PPP1R10: variants seen among roughly 807,000 people sequenced by gnomAD.
PPP1R10 encodes the protein protein phosphatase 1 regulatory subunit 10, also known as serine/threonine-protein phosphatase 1 regulatory subunit 10.
Under a neutral mutation model 99.0 loss-of-function variants are expected in PPP1R10, and 15 were observed. That is an observed-to-expected ratio of 0.15 (90% CI 0.10 to 0.23). The LOEUF (loss-of-function observed/expected upper bound fraction) is 0.23, where lower values mean the gene tolerates loss of function less well. PPP1R10 is among the 10% of genes least tolerant of loss of function. PPP1R10 has a pLI of 1.00. For synonymous variants in PPP1R10, 430 were observed against 449.5 expected (o/e 0.96, Z 0.55); for missense variants, 947 against 1,259.4 (o/e 0.75, Z 3.75).
intron 5 of PPP1R10, among the ~76,000 whole-genome samples, chr6:30,608,301 C>CTTT (rs1190279084): frequency 3.6e-5 from 4 of 111,740 alleles, no homozygotes; most frequent in Admixed American, 9.3e-5. Context: ...TGACACATTC[C>CTTT]TTTTTTTTTT....
Position 30,602,631 on chromosome 6 carries a change from G to A in PPP1R10, c.2018C>T (p.Pro673Leu). 1 of 1,592,252 alleles carries A rather than the reference G, an allele frequency of 6.3e-7. No individual in the cohort carries two copies. The stretch of plus-strand genomic sequence containing the variant: ...ATCCCAGAAGGGATCACCTCCCCGG[G>A]GAGGGGGTGGAGGACCCAGAAGACG... ...GPRLLGPPPP[P>L]RGGDPFWDGP... The change falls in exon 19 of 20, where the codon CCC becomes CTC. Residue 673 changes from proline (P) to leucine (L), a missense_variant. This residue lies in a region of PPP1R10 where 525 missense variants were observed against 578.8 expected (regional missense o/e 0.91). Coordinates refer to ENST00000376511, the MANE Select transcript of PPP1R10 (RefSeq NM_002714.4). The surrounding 1 kb of genome is among the most constrained non-coding windows in gnomAD (Gnocchi z 6.7).
chr6:30,614,430 A>G (rs932278744), intron 2 of PPP1R10: 2 of 152,158 alleles, frequency 1.3e-5, no homozygotes, highest in African/African-American at 4.8e-5. Context: ...TTCTTATCCT[A>G]GTACCAATGT....
At position 30,604,639 on chromosome 6, in the gene PPP1R10, G is replaced by A. The variant is rs775159187; in HGVS notation, c.1051C>T (p.Arg351Cys). ...APPSEAMDAD[R>C]PGTPVPPVEV... ...ACAGGGGGAACCGGGGTGCCTGGAC[G>A]GTCTGCGTCCATTGCCTCAGAAGGT... is the stretch of plus-strand genomic sequence containing the variant. The change falls in exon 12 of 20, where the codon CGT becomes TGT. Residue 351 changes from arginine to cysteine, a missense_variant. Arg to Cys is a radical substitution (Grantham distance 180, BLOSUM62 -3). Around this residue, in one of 10 missense-constraint regions of PPP1R10, gnomAD observed 100 missense variants for 105.8 expected, o/e 0.94. Coordinates refer to ENST00000376511, the MANE Select transcript of PPP1R10 (RefSeq NM_002714.4). This position sits in a 1 kb window ranked among gnomAD's most constrained non-coding sequence, Gnocchi z 7.3. 19 of 1,612,974 alleles carry A rather than the reference G, an allele frequency of 1.2e-5. No homozygotes were observed. The highest frequency in any genetic ancestry group is 1.3e-5 in the African/African-American group (1 of 74,918).
Position 30,604,912 on chromosome 6 carries a change from C to G in PPP1R10, c.954+82G>C. 6.6e-7 allele frequency: 1 copy of G among 1,525,750 alleles called. No homozygotes were observed. The highest frequency in any genetic ancestry group is 2.2e-5 in the East Asian group (1 of 44,448). The allele number at this position is 1,525,750 out of a possible 1,614,324, so 94.5% of individuals were successfully genotyped here. A position where few individuals can be genotyped will look rare whatever the true frequency, so the allele number is the denominator to read the frequency against. ...GCAAAACGCCTCTTGTTGTCCTCCC[C>G]GACAACTCCTAGCTGCTGTGCCCTT... is the stretch of plus-strand genomic sequence containing the variant. On this transcript the variant is annotated intron_variant, in intron 11 of 19. Coordinates refer to ENST00000376511, the MANE Select transcript of PPP1R10 (RefSeq NM_002714.4). This position sits in a 1 kb window ranked among gnomAD's most constrained non-coding sequence, Gnocchi z 7.3.
At chr6:30,616,351 A>G (rs1056622284) in intron 2 of PPP1R10, 127 bp downstream of exon 2, 6 of 152,628 alleles carry the variant, frequency 3.9e-5, no homozygotes, top group Admixed American at 3.9e-4. Flanking sequence ...TTAAGTGACC[A>G]GATTGGTCCT....
chr6:30,614,525 G>A (rs767234323), intron 2 of PPP1R10: 1 of 152,168 alleles, frequency 6.6e-6, no homozygotes, highest in East Asian at 1.9e-4. Context: ...GGGCGATTTA[G>A]AAGAAAGTCC....
At position 30,606,786 on chromosome 6, in the gene PPP1R10, C is replaced by G. The variant is rs1339737869; in HGVS notation, c.453G>C (p.Gln151His). Residue 151 changes from glutamine (Q) to histidine (H), a missense_variant, in exon 7 of 20, where the codon CAG (glutamine) becomes CAC (histidine). Transcript: ENST00000376511. This position sits in a 1 kb window ranked among gnomAD's most constrained non-coding sequence, Gnocchi z 6.3. Reference protein sequence around the residue: ...MAVIRSQSSTQPAEKDKKKRK... With the variant: ...MAVIRSQSSTHPAEKDKKKRK... ...AAGGACTAAGGAGCTTACCAGCAGG[C>G]TGGGTACTGCTCTGAGAGCGGATGA... The G allele has an allele frequency of 6.2e-7, 1 of 1,613,956 alleles. No homozygotes were observed. The highest frequency in any genetic ancestry group is 1.7e-5 in the Admixed American group (1 of 60,016).
chr6:30,601,273 G>A lies in PPP1R10; in HGVS notation c.*276C>T, dbSNP rs529747494. 9.4e-5 allele frequency: 47 copies of A among 501,184 alleles called. 1 individual carries two copies. The East Asian group carries it at 1.5e-3, about 16-fold the overall frequency. The allele number at this position is 501,184 out of a possible 1,614,324, so 31.0% of individuals were successfully genotyped here. A position where few individuals can be genotyped will look rare whatever the true frequency, so the allele number is the denominator to read the frequency against. The stretch of plus-strand genomic sequence containing the variant: ...ACTGGAAAGGGGTTTGGGGTACAGG[G>A]CGAATCTTCTCAAAAAGTGAAGCCA... On this transcript the variant is annotated 3_prime_UTR_variant, in exon 20 of 20. Transcript: ENST00000376511.
intron 10 of PPP1R10, 89 bp from the exon 11 acceptor site, chr6:30,605,183 G>T: frequency 1.7e-6 from 2 of 1,183,260 alleles, no homozygotes; most frequent in South Asian, 1.3e-5. Flanking sequence ...AAATGAGCCA[G>T]TGAAGACCCT....
chr6:30,606,697 G>GTGAA lies in PPP1R10; in HGVS notation c.461-60_461-57dup. 6.2e-7 allele frequency: 1 copy of GTGAA among 1,612,562 alleles called. No individual in the cohort carries two copies. The highest frequency in any genetic ancestry group is 8.5e-7 in the Non-Finnish European group (1 of 1,178,590). ...TTTATTTAGATGAACACTGTCAGAGGTGAAGCAGACTGGGAGCACCTAAAG... is the reference window on the plus strand; with the variant it reads ...TTTATTTAGATGAACACTGTCAGAGGTGAATGAAGCAGACTGGGAGCACCTAAAG... On this transcript the variant is annotated intron_variant, in intron 7 of 19. Transcript: ENST00000376511. The surrounding 1 kb of genome is among the most constrained non-coding windows in gnomAD (Gnocchi z 6.3).
chr6:30,613,377 G>A (rs1051886822), intron 2 of PPP1R10, among the ~76,000 whole-genome samples: 3 of 152,170 alleles, frequency 2.0e-5, no homozygotes, highest in African/African-American at 4.8e-5. Context: ...TTAATTTAGA[G>A]GCACTTCTGG....
intron 5 of PPP1R10, among the ~76,000 whole-genome samples, chr6:30,608,113 T>C (rs1356018481): frequency 1.3e-5 from 2 of 151,674 alleles, no homozygotes; most frequent in Non-Finnish European, 2.9e-5. Flanking sequence ...CTGAGCCTCC[T>C]AAATAACTGA....
chr6:30,612,120 A>G (rs541292893), intron 2 of PPP1R10, among the ~76,000 whole-genome samples: 2 of 152,198 alleles, frequency 1.3e-5, no homozygotes, highest in African/African-American at 2.4e-5. Flanking sequence ...CCCTCTCTCT[A>G]TATATACACA....
chr6:30,605,154 C>A, intron 10 of PPP1R10, 60 bp from the exon 11 acceptor site: 1 of 1,457,718 alleles, frequency 6.9e-7, no homozygotes, highest in South Asian at 1.2e-5. Context: ...CCTACACCTG[C>A]AAACACAGTC....
chr6:30,602,235 C>A lies in PPP1R10; in HGVS notation c.2414G>T (p.Gly805Val). 1 of 1,611,712 alleles carries A rather than the reference C, an allele frequency of 6.2e-7. No homozygotes were observed. The highest frequency in any genetic ancestry group is 8.5e-7 in the Non-Finnish European group (1 of 1,179,240). The stretch of plus-strand genomic sequence containing the variant: ...ATGGCCACTGCCACCACTGATGCCA[C>A]CGCCAGGGCCTTCGTGGGGACGATG... ...GGHRPHEGPG[G>V]GISGGSGHRP... The change falls in exon 19 of 20, where the codon GGT becomes GTT. Residue 805 changes from glycine (G) to valine (V), a missense_variant. Coordinates refer to ENST00000376511, the MANE Select transcript of PPP1R10 (RefSeq NM_002714.4). The surrounding 1 kb of genome is among the most constrained non-coding windows in gnomAD (Gnocchi z 6.7).
At position 30,604,091 on chromosome 6, in the gene PPP1R10, G is replaced by A. The variant is rs142325327; in HGVS notation, c.1425C>T (p.Thr475=). The A allele has an allele frequency of 2.5e-5, 40 of 1,613,892 alleles. No individual in the cohort carries two copies. The African/African-American group carries it at 5.2e-4, about 21-fold the overall frequency. Residue 475 remains threonine (T), a synonymous_variant, in exon 14 of 20, where the codon ACC becomes ACT. Coordinates refer to ENST00000376511, the MANE Select transcript of PPP1R10 (RefSeq NM_002714.4). This position sits in a 1 kb window ranked among gnomAD's most constrained non-coding sequence, Gnocchi z 7.3. The part of the protein sequence containing the change: ...RPLVLPSPLV[T]PGSNSQERYI... ...ATCGCTCCTGACTATTGCTTCCAGGGGTGACAAGAGGTGAGGGCAGAACCA... is the reference window on the plus strand; with the variant it reads ...ATCGCTCCTGACTATTGCTTCCAGGAGTGACAAGAGGTGAGGGCAGAACCA...
At position 30,606,426 on chromosome 6, in the gene PPP1R10, C is replaced by T. The variant is rs1036567706; in HGVS notation, c.634+42G>A. 2.9e-5 allele frequency: 46 copies of T among 1,607,236 alleles called. No homozygotes were observed. The highest frequency in any genetic ancestry group is 3.8e-5 in the Non-Finnish European group (45 of 1,176,578). ...ATTCCCCCATAAGGCTCTGGGTGTG[C>T]ACATGCCCATGAACCCTCCAGAGGC... is the stretch of plus-strand genomic sequence containing the variant. On this transcript the variant is annotated intron_variant, in intron 8 of 19. Transcript: ENST00000376511. This position sits in a 1 kb window ranked among gnomAD's most constrained non-coding sequence, Gnocchi z 6.3.
chr6:30,615,357 G>A (rs1011589400), intron 2 of PPP1R10, among the ~76,000 whole-genome samples: 2 of 152,068 alleles, frequency 1.3e-5, no homozygotes, highest in Non-Finnish European at 2.9e-5. Context: ...TTTCTGCAGG[G>A]AAGAACTGAA....
chr6:30,607,776 TATTAAGGTA>T (rs1804104344), intron 6 of PPP1R10, 55 bp downstream of exon 6: 1 of 1,521,620 alleles, frequency 6.6e-7, no homozygotes, highest in Admixed American at 1.7e-5. Flanking sequence ...TGGGAAAAGA[TATTAAGGTA>T]ATTAAGTGGA....
Sources: gnomAD v4.1 joint callset for allele counts (sites outside exome capture counted in the v4.1 genomes callset) on GRCh38, gnomAD v4.1.1 for gene constraint, gnomAD v4.1.1 regional missense constraint, Gnocchi (gnomAD v3.1) non-coding constraint, MANE v1.5 for transcripts, NCBI Gene and HGNC (gene_info 2026-07-23, HGNC 2026-07-21) for gene names.